The following EPN1 variants were observed in gnomAD, a reference collection of about 807,000 sequenced individuals.
EPN1 encodes epsin 1, also known as epsin-1.
EPN1 carries 25 observed loss-of-function variants against 56.9 expected under a neutral mutation model. That is an observed-to-expected ratio of 0.44 (90% CI 0.32 to 0.61). The LOEUF (loss-of-function observed/expected upper bound fraction) is 0.61, where lower values mean the gene tolerates loss of function less well. EPN1 is among the 20% of genes least tolerant of loss of function. The pLI is 0.05. For synonymous variants in EPN1, 411 were observed against 361.8 expected, an observed-to-expected ratio of 1.14 and a Z score of -1.54; for missense variants, 785 against 823.7, an observed-to-expected ratio of 0.95 and a Z score of 0.58.
intron 2 of EPN1, among the ~76,000 whole-genome samples, chr19:55,679,915 G>C (rs754850760): frequency 1.3e-5 from 2 of 152,186 alleles, no homozygotes; most frequent in East Asian, 1.9e-4. Context: ...TGGAGGCAAC[G>C]AGGAGGGATG....
chr19:55,702,545 G>C lies in EPN1; in HGVS notation c.*7189G>C, dbSNP rs538165240. 7.2e-5 allele frequency: 11 copies of C among 152,340 alleles called. No individual in the cohort carries two copies. Among genetic ancestry groups the C allele is most frequent in the Middle Eastern group, 3.4e-3 (1 of 294 alleles). 9.4% of individuals were successfully genotyped at this position (152,340 alleles called of 1,614,324 possible). ...AAGTCTGTGCCCGAGTTGCTTATCT[G>C]TGTTTTACAGCCTGAAAGATCAGGC... is the stretch of plus-strand genomic sequence containing the variant. On this transcript the variant is annotated 3_prime_UTR_variant, in exon 11 of 11. Coordinates refer to ENST00000270460, the MANE Select transcript of EPN1 (RefSeq NM_001130072.2).
rs1986871791 is a variant in EPN1 at position 55,695,593 on chromosome 19, AG to A, written c.*242del. Reference sequence around the variant, plus strand: ...AGGACCCCTTTCCCGTGGCATTAGAAGGGGGAGGGGTGGCTGGGGCCCCCAC... The same window carrying A: ...AGGACCCCTTTCCCGTGGCATTAGAAGGGGAGGGGTGGCTGGGGCCCCCAC... On this transcript the variant is annotated 3_prime_UTR_variant, in exon 11 of 11. Coordinates refer to ENST00000270460, the MANE Select transcript of EPN1 (RefSeq NM_001130072.2). This position sits in a 1 kb window ranked among gnomAD's most constrained non-coding sequence, Gnocchi z 4.4. 5 of 514,736 alleles carry A rather than the reference AG, an allele frequency of 9.7e-6. No homozygotes were observed. In the East Asian group the frequency reaches 1.6e-4, roughly 16 times the overall value. 31.9% of individuals were successfully genotyped at this position (514,736 alleles called of 1,614,324 possible). A position where few individuals can be genotyped will look rare whatever the true frequency, so the allele number is the denominator to read the frequency against.
At position 55,692,042 on chromosome 19, in the gene EPN1, T is replaced by C. The variant is rs1986592143; in HGVS notation, c.1051T>C (p.Trp351Arg). The C allele has an allele frequency of 1.4e-6, 2 of 1,451,482 alleles. No individual in the cohort carries two copies. The highest frequency in any genetic ancestry group is 1.4e-5 in the African/African-American group (1 of 69,752). 89.9% of individuals were successfully genotyped at this position (1,451,482 alleles called of 1,614,324 possible). Residue 351 changes from tryptophan (W) to arginine (R), a missense_variant, in exon 7 of 11, where the codon TGG becomes CGG. Trp to Arg is a moderately radical substitution (Grantham distance 101). Transcript: ENST00000270460. Reference protein sequence around the residue: ...AAGEGPTPDPWGSSDGGVPVS... With the variant: ...AAGEGPTPDPRGSSDGGVPVS... ...TGGGGAGGGGCCCACGCCTGATCCA[T>C]GGGGAAGTTCCGATGGTGAGTGCGT...
At position 55,694,401 on chromosome 19, in the gene EPN1, C is replaced by T. The variant is rs949102269; in HGVS notation, c.1265-325C>T. The T allele has an allele frequency of 2.8e-5, 8 of 290,834 alleles. No individual in the cohort carries two copies. Among genetic ancestry groups the T allele is most frequent in the African/African-American group, 1.1e-4 (5 of 46,076 alleles). 18.0% of individuals were successfully genotyped at this position (290,834 alleles called of 1,614,324 possible). On this transcript the variant is annotated intron_variant, in intron 9 of 10. Transcript: ENST00000270460. This position sits in a 1 kb window ranked among gnomAD's most constrained non-coding sequence, Gnocchi z 4.2. Reference sequence around the variant, plus strand: ...CTGGAGGCACCTGTGAACACGCCCCCGCTGCCTTCCCCCGCGGGCCTATAG... The same window carrying T: ...CTGGAGGCACCTGTGAACACGCCCCTGCTGCCTTCCCCCGCGGGCCTATAG...
chr19:55,676,671 G>A (rs1985454643), intron 1 of EPN1: 1 of 155,626 alleles, frequency 6.4e-6, no homozygotes, highest in Non-Finnish European at 1.4e-5. Flanking sequence ...AAGGAGGTGT[G>A]CGCTGCAGGT....
chr19:55,693,935 G>T (rs757587053), intron 9 of EPN1, among the ~76,000 whole-genome samples: 7 of 152,078 alleles, frequency 4.6e-5, no homozygotes, highest in African/African-American at 1.2e-4. Context: ...GGAAAATCAG[G>T]CCAGGCGCAA....
Position 55,708,938 on chromosome 19 carries a change from A to G in EPN1, c.*13582A>G, listed in dbSNP as rs200069669. On this transcript the variant is annotated 3_prime_UTR_variant, in exon 11 of 11. Transcript: ENST00000270460. ...CAGAGGAGCACACCCCTGATCTTGT[A>G]TTCCTCGTCAATCCAAGGTCCATGT... is the stretch of plus-strand genomic sequence containing the variant. 5 of 1,568,628 alleles carry G rather than the reference A, an allele frequency of 3.2e-6. No homozygotes were observed. In the Admixed American group the frequency reaches 9.9e-5, roughly 31 times the overall value.
At chr19:55,681,402 C>T (rs1022450595) in intron 2 of EPN1, among the ~76,000 whole-genome samples, 10 of 152,210 alleles carry the variant, frequency 6.6e-5, no homozygotes, top group Admixed American at 4.6e-4. Flanking sequence ...AGCCCCGAGC[C>T]CACCCTCTGG....
intron 6 of EPN1, among the ~76,000 whole-genome samples, chr19:55,690,884 G>A (rs992051940): frequency 3.3e-4 from 50 of 152,166 alleles, no homozygotes; most frequent in African/African-American, 1.2e-3. Flanking sequence ...GTCTCTATCA[G>A]TGTCCACCAC....
At chr19:55,680,155 A>AGGCG (rs2122166240) in intron 2 of EPN1, among the ~76,000 whole-genome samples, 1 of 152,312 alleles carries the variant, frequency 6.6e-6, no homozygotes, top group Admixed American at 6.5e-5. Flanking sequence ...CTCCAGTGCC[A>AGGCG]GGCGGGGCTT....
rs544564701 is a variant in EPN1, at chr19:55,706,477, C to G, written c.*11121C>G. On this transcript the variant is annotated 3_prime_UTR_variant, in exon 11 of 11. Coordinates refer to ENST00000270460, the MANE Select transcript of EPN1 (RefSeq NM_001130072.2). ...GACCAGCCTGGCCGACATGGCAAAA[C>G]CCTGTCTCTACTAAAAATACAAAAA... The G allele has an allele frequency of 6.6e-6, 1 of 151,822 alleles. No individual in the cohort carries two copies. The highest frequency in any genetic ancestry group is 1.9e-4 in the East Asian group (1 of 5,160). 9.4% of individuals were successfully genotyped at this position (151,822 alleles called of 1,614,324 possible). A position where few individuals can be genotyped will look rare whatever the true frequency, so the allele number is the denominator to read the frequency against.
rs1987503391 is a variant in EPN1 at position 55,707,838 on chromosome 19, G to A, written c.*12482G>A. On this transcript the variant is annotated 3_prime_UTR_variant, in exon 11 of 11. Transcript: ENST00000270460. The stretch of plus-strand genomic sequence containing the variant: ...CCTATGGAAACCCTTGTCCAGTCTT[G>A]AGTGTAAACTCGTGTTTACAGGTCT... 3 of 154,418 alleles carry A rather than the reference G, an allele frequency of 1.9e-5. No homozygotes were observed. Among genetic ancestry groups the A allele is most frequent in the Middle Eastern group, 1.0e-3 (2 of 1,944 alleles). The allele number at this position is 154,418 out of a possible 1,614,324, so 9.6% of individuals were successfully genotyped here. A position where few individuals can be genotyped will look rare whatever the true frequency, so the allele number is the denominator to read the frequency against.
rs893418243 is a variant in EPN1, at chr19:55,689,452, C to T, written c.678+81C>T. ...CGTCGCCCCTTCCTAAGTCACCCCC[C>T]ACCATCCTGCTGGGCCCGAAGCCCA... On this transcript the variant is annotated intron_variant, in intron 5 of 10. Coordinates refer to ENST00000270460, the MANE Select transcript of EPN1 (RefSeq NM_001130072.2). This position sits in a 1 kb window ranked among gnomAD's most constrained non-coding sequence, Gnocchi z 5.7. 2 of 1,089,630 alleles carry T rather than the reference C, an allele frequency of 1.8e-6. No homozygotes were observed. Among genetic ancestry groups the T allele is most frequent in the Middle Eastern group, 2.0e-4 (1 of 4,960 alleles). The allele number at this position is 1,089,630 out of a possible 1,614,324, so 67.5% of individuals were successfully genotyped here.
rs186572168 is a variant in EPN1 at position 55,693,121 on chromosome 19, C to G, written c.1264+84C>G. ...AGCCCCGTCCCTTGCTGTCTTTGTC[C>G]CACTCCAGGCAGGGCCGGCTGGACT... On this transcript the variant is annotated intron_variant, in intron 9 of 10. Coordinates refer to ENST00000270460, the MANE Select transcript of EPN1 (RefSeq NM_001130072.2). The G allele has an allele frequency of 5.1e-6, 7 of 1,380,926 alleles. No individual in the cohort carries two copies. The African/African-American group carries it at 9.9e-5, about 20-fold the overall frequency. The allele number at this position is 1,380,926 out of a possible 1,614,324, so 85.5% of individuals were successfully genotyped here.
rs1424629766 is a variant in EPN1, at chr19:55,702,133, G to A, written c.*6777G>A. The A allele has an allele frequency of 6.6e-6, 1 of 152,086 alleles. No individual in the cohort carries two copies. The highest frequency in any genetic ancestry group is 2.4e-5 in the African/African-American group (1 of 41,388). The allele number at this position is 152,086 out of a possible 1,614,324, so 9.4% of individuals were successfully genotyped here. A position where few individuals can be genotyped will look rare whatever the true frequency, so the allele number is the denominator to read the frequency against. On this transcript the variant is annotated 3_prime_UTR_variant, in exon 11 of 11. Transcript: ENST00000270460. ...CATGCAGCCATGCCCGGCTAATTTT[G>A]TATTTTTAGTAGAGACAAGGTTTCA...
chr19:55,705,580 T>G lies in EPN1; in HGVS notation c.*10224T>G, dbSNP rs1987351312. ...GGGAGAATCGTTTGAGCCCGGGAGGTGGAGGTTGCAGTGAGCCGAGATCGC... is the reference window on the plus strand; with the variant it reads ...GGGAGAATCGTTTGAGCCCGGGAGGGGGAGGTTGCAGTGAGCCGAGATCGC... On this transcript the variant is annotated 3_prime_UTR_variant, in exon 11 of 11. Coordinates refer to ENST00000270460, the MANE Select transcript of EPN1 (RefSeq NM_001130072.2). The G allele has an allele frequency of 6.6e-6, 1 of 151,556 alleles. No individual in the cohort carries two copies. Among genetic ancestry groups the G allele is most frequent in the South Asian group, 2.1e-4 (1 of 4,780 alleles). 9.4% of individuals were successfully genotyped at this position (151,556 alleles called of 1,614,324 possible).
chr19:55,678,612 G>A lies in EPN1; in HGVS notation c.-16G>A. On this transcript the variant is annotated 5_prime_UTR_variant, in exon 2 of 11. Coordinates refer to ENST00000270460, the MANE Select transcript of EPN1 (RefSeq NM_001130072.2). ...GCATCGGGGCCCTGTGCCCCTTGCTGCTGCAGCCGGGCACCATGTCGACCT... is the reference window on the plus strand; with the variant it reads ...GCATCGGGGCCCTGTGCCCCTTGCTACTGCAGCCGGGCACCATGTCGACCT... 6.3e-7 allele frequency: 1 copy of A among 1,597,898 alleles called. No individual in the cohort carries two copies. Among genetic ancestry groups the A allele is most frequent in the Admixed American group, 1.7e-5 (1 of 57,486 alleles).
Position 55,688,989 on chromosome 19 carries a change from G to T in EPN1, c.598G>T (p.Asp200Tyr). 1 of 1,599,454 alleles carries T rather than the reference G, an allele frequency of 6.3e-7. No individual in the cohort carries two copies. The change falls in exon 4 of 11, where the codon GAC becomes TAC. Residue 200 changes from aspartate (D) to tyrosine (Y), a missense_variant. By Grantham distance (160) the Asp-to-Tyr change is radical (BLOSUM62 -3). Transcript: ENST00000270460. ...CCTGGCCATGAGCAAGGAGGAGGCC[G>T]ACCAGGTACTGGGCGTGCAGCTGGG... is the stretch of plus-strand genomic sequence containing the variant. ...LALAMSKEEA[D>Y]QPPSCGPEDD... is the part of the protein sequence containing the mutation.
intron 2 of EPN1, among the ~76,000 whole-genome samples, chr19:55,679,517 T>TG (rs1351408720): frequency 1.3e-5 from 2 of 152,184 alleles, no homozygotes; most frequent in African/African-American, 2.4e-5. Context: ...CTCCTGCTGT[T>TG]GCGGTCCCGT....
Sources: gnomAD v4.1 joint callset for allele counts (sites outside exome capture counted in the v4.1 genomes callset) on GRCh38, gnomAD v4.1.1 for gene constraint, Gnocchi (gnomAD v3.1) non-coding constraint, MANE v1.5 for transcripts, NCBI Gene and HGNC (gene_info 2026-07-23, HGNC 2026-07-21) for gene names.